ACACB: variants seen among roughly 807,000 people sequenced by gnomAD.
ACACB encodes the protein acetyl-CoA carboxylase beta, also known as acetyl-CoA carboxylase 2.
Under a neutral mutation model 278.8 loss-of-function variants are expected in ACACB, and 209 were observed. That is an observed-to-expected ratio of 0.75 (90% CI 0.67 to 0.84). ACACB has a LOEUF of 0.84. Among genes scored for constraint, ACACB ranks in the 40% least tolerant of loss-of-function variants. The pLI is 0.00. For synonymous variants in ACACB, 1,174 were observed against 1,285.6 expected (o/e 0.91, Z 1.86); for missense variants, 2,850 against 3,269.0 (o/e 0.87, Z 3.13).
chr12:109,161,878 G>A (rs2043736951), intron 2 of ACACB, among the ~76,000 whole-genome samples: 1 of 151,996 alleles, frequency 6.6e-6, no homozygotes, highest in African/African-American at 2.4e-5. Context: ...AGAGATAACG[G>A]CTCTTAATAC....
chr12:109,127,606 A>C (rs922999699), intron 1 of ACACB, among the ~76,000 whole-genome samples: 1 of 152,062 alleles, frequency 6.6e-6, no homozygotes, highest in Non-Finnish European at 1.5e-5. Flanking sequence ...CTAAAAAAAA[A>C]AAAAGAATAA....
At chr12:109,234,098 G>T in intron 31 of ACACB, 53 bp downstream of exon 31, 1 of 1,465,042 alleles carries the variant, frequency 6.8e-7, no homozygotes, top group South Asian at 1.2e-5. Flanking sequence ...AAGGAGGAGG[G>T]GCTGGGCTCG....
At chr12:109,259,998 T>G in intron 47 of ACACB, 15 of 1,199,256 alleles carry the variant, frequency 1.3e-5, no homozygotes, top group Non-Finnish European at 1.6e-5. Flanking sequence ...AAGAGTCTGA[T>G]GAGCTAATTG....
At position 109,253,082 on chromosome 12, in the gene ACACB, G is replaced by A. The variant is rs778315261; in HGVS notation, c.5969G>A (p.Gly1990Asp). ...LGGVQIMHYNGVSHITVPDDF... is the reference protein window; with the variant it reads ...LGGVQIMHYNDVSHITVPDDF... ...GGCGTTCAGATCATGCATTACAATGGTGTCTCCCACATCACCGTGCCAGAT... is the reference window on the plus strand; with the variant it reads ...GGCGTTCAGATCATGCATTACAATGATGTCTCCCACATCACCGTGCCAGAT... Residue 1990 changes from glycine to aspartate, a missense_variant, in exon 43 of 53, where the codon GGT becomes GAT. Around this residue, in one of 3 missense-constraint regions of ACACB, gnomAD observed 579 missense variants for 684.6 expected, o/e 0.85. Coordinates refer to ENST00000338432, the MANE Select transcript of ACACB (RefSeq NM_001093.4). 1.2e-6 allele frequency: 2 copies of A among 1,613,456 alleles called. No individual in the cohort carries two copies. The highest frequency in any genetic ancestry group is 2.2e-5 in the South Asian group (2 of 90,846).
chr12:109,135,338 A>C (rs1021802960), intron 1 of ACACB, among the ~76,000 whole-genome samples: 1 of 152,046 alleles, frequency 6.6e-6, no homozygotes, highest in Non-Finnish European at 1.5e-5. Flanking sequence ...AGCAATGTCT[A>C]TCCGAGTCTT....
intron 48 of ACACB, among the ~76,000 whole-genome samples, chr12:109,261,447 C>G (rs1030504987): frequency 6.6e-6 from 1 of 152,182 alleles, no homozygotes; most frequent in Non-Finnish European, 1.5e-5. Flanking sequence ...CTGAGCAGCA[C>G]TTGAATGGAG....
At chr12:109,116,495 C>G (rs915893589), upstream of ACACB, 1 of 152,232 alleles carries the variant, frequency 6.6e-6, no homozygotes, top group Non-Finnish European at 1.5e-5. Context: ...TCATCTTTGC[C>G]CCGGGTTGTT....
intron 1 of ACACB, among the ~76,000 whole-genome samples, chr12:109,131,021 A>G (rs2042811326): frequency 6.6e-6 from 1 of 152,180 alleles, no homozygotes; most frequent in African/African-American, 2.4e-5. Context: ...AGCCTGTACC[A>G]GAGATGGAGA....
At chr12:109,219,103 A>C (rs2046089510) in intron 24 of ACACB, among the ~76,000 whole-genome samples, 1 of 152,026 alleles carries the variant, frequency 6.6e-6, no homozygotes, top group African/African-American at 2.4e-5. Flanking sequence ...CAGATAGTAA[A>C]GATTTTAGGC....
intron 13 of ACACB, among the ~76,000 whole-genome samples, chr12:109,188,666 A>T (rs10732610): frequency 1 from 152,091 of 152,092 alleles, 76,045 homozygotes; most frequent in Middle Eastern, 1. Context: ...GGCCCCATTT[A>T]AAATACCCTG....
chr12:109,231,151 G>A (rs1160357968), intron 28 of ACACB, among the ~76,000 whole-genome samples: 1 of 152,020 alleles, frequency 6.6e-6, no homozygotes, highest in African/African-American at 2.4e-5. Flanking sequence ...TGAGAAGTTG[G>A]CAGGGCTTTG....
rs756239363 is a variant in ACACB, at chr12:109,241,097, A to G, written c.4838A>G (p.Tyr1613Cys). The change falls in exon 36 of 53, where the codon TAC (tyrosine) becomes TGC (cysteine). Residue 1613 changes from tyrosine to cysteine, a missense_variant. Coordinates refer to ENST00000338432, the MANE Select transcript of ACACB (RefSeq NM_001093.4). ...GGGCAGATCGAGGAGTCCGTGCGCTACATGGTTATGCGCTACGGCAGCCGG... is the reference window on the plus strand; with the variant it reads ...GGGCAGATCGAGGAGTCCGTGCGCTGCATGGTTATGCGCTACGGCAGCCGG... Reference protein sequence around the residue: ...DPFKIEESVRYMVMRYGSRLW... With the variant: ...DPFKIEESVRCMVMRYGSRLW... 3 of 1,614,030 alleles carry G rather than the reference A, an allele frequency of 1.9e-6. No homozygotes were observed. The highest frequency in any genetic ancestry group is 2.7e-5 in the African/African-American group (2 of 74,912).
At position 109,210,255 on chromosome 12, in the gene ACACB, A is replaced by G. The variant is rs111219598; in HGVS notation, c.3249+902A>G. On this transcript the variant is annotated intron_variant, in intron 21 of 52. Transcript: ENST00000338432. ...TATGTATATATGTATATATACACAC[A>G]TGTGTGTATATGTACATATACACAC... Among the ~76,000 whole-genome samples, 117 of 16,020 alleles carry G rather than the reference A, an allele frequency of 7.3e-3. 6 individuals are homozygous for G. Among genetic ancestry groups the G allele is most frequent in the Non-Finnish European group, 8.3e-3 (67 of 8,038 alleles). The allele number at this position is 16,020 out of a possible 152,430, so 10.5% of individuals were successfully genotyped here.
chr12:109,234,520 C>T (rs1414412718), intron 31 of ACACB, among the ~76,000 whole-genome samples: 1 of 152,076 alleles, frequency 6.6e-6, no homozygotes, highest in Non-Finnish European at 1.5e-5. Flanking sequence ...TTACAGTATA[C>T]AATGTGATAT....
intron 41 of ACACB, 142 bp from the exon 42 acceptor site, chr12:109,251,904 C>A: frequency 5.4e-6 from 3 of 553,330 alleles, no homozygotes; most frequent in South Asian, 5.7e-5. Context: ...TTTGCCTCTA[C>A]TGTGGTTTGG....
At chr12:109,206,441 A>AAAC (rs1416758275) in intron 19 of ACACB, among the ~76,000 whole-genome samples, 1 of 151,598 alleles carries the variant, frequency 6.6e-6, no homozygotes, top group Non-Finnish European at 1.5e-5. Flanking sequence ...AAAAAAAAAA[A>AAAC]AAACAGATCT....
At chr12:109,192,109 A>G (rs961939572) in intron 15 of ACACB, among the ~76,000 whole-genome samples, 159 bp downstream of exon 15, 7 of 152,090 alleles carry the variant, frequency 4.6e-5, no homozygotes, top group Admixed American at 3.9e-4. Context: ...AGATCAACCT[A>G]GGCTACCCTT....
intron 17 of ACACB, among the ~76,000 whole-genome samples, chr12:109,198,888 A>G (rs2045233194): frequency 6.6e-6 from 1 of 152,090 alleles, no homozygotes; most frequent in Admixed American, 6.6e-5. Flanking sequence ...GGCCTCCCAA[A>G]GAAAGCATCA....
intron 16 of ACACB, among the ~76,000 whole-genome samples, chr12:109,196,376 A>G (rs936296320): frequency 3.4e-4 from 52 of 152,270 alleles, no homozygotes; most frequent in Admixed American, 1.7e-3. Context: ...CTAGGCTGGG[A>G]AGGTCAATAT....
Sources: allele counts gnomAD v4.1 joint callset (sites outside exome capture counted in the v4.1 genomes callset), GRCh38; gene constraint gnomAD v4.1.1; regional missense constraint gnomAD v4.1.1; transcripts MANE v1.5; gene names NCBI Gene and HGNC (gene_info 2026-07-23, HGNC 2026-07-21).